The following DENND5A variants were observed in gnomAD, a reference collection of about 807,000 sequenced individuals.
The protein encoded by DENND5A is DENN domain containing 5A.
Under a neutral mutation model 140.3 loss-of-function variants are expected in DENND5A, and 64 were observed. That is an observed-to-expected ratio of 0.46 (90% CI 0.37 to 0.56). The LOEUF (loss-of-function observed/expected upper bound fraction) is 0.56, where lower values mean the gene tolerates loss of function less well. DENND5A is among the 20% of genes least tolerant of loss of function. The pLI, the probability that DENND5A is intolerant of heterozygous loss-of-function variation, is 0.00. For synonymous variants in DENND5A, 605 were observed against 607.7 expected (o/e 1.00, Z 0.07); for missense variants, 1,292 against 1,593.8 (o/e 0.81, Z 3.22).
intron 5 of DENND5A, among the ~76,000 whole-genome samples, chr11:9,189,279 G>A (rs556818782): frequency 3.4e-4 from 52 of 152,348 alleles, no homozygotes; most frequent in African/African-American, 1.1e-3. Flanking sequence ...GCAGAGGTAC[G>A]GAAATACCTG....
chr11:9,243,099 A>AAC (rs1851310465), intron 1 of DENND5A, among the ~76,000 whole-genome samples: 1 of 138,010 alleles, frequency 7.2e-6, no homozygotes, highest in Non-Finnish European at 1.5e-5. Context: ...AAAAAAAAAA[A>AAC]AAAAACAAAA....
intron 1 of DENND5A, among the ~76,000 whole-genome samples, chr11:9,262,849 C>T (rs544263713): frequency 1.4e-4 from 22 of 152,110 alleles, no homozygotes; most frequent in African/African-American, 5.3e-4. Flanking sequence ...TCACGCCATT[C>T]TCCTGCCTCA....
At chr11:9,251,138 C>CAAAAAAAAAAAAAA (rs887593530) in intron 1 of DENND5A, among the ~76,000 whole-genome samples, 1 of 90,018 alleles carries the variant, frequency 1.1e-5, no homozygotes, top group Admixed American at 1.2e-4. Flanking sequence ...CCATCTCAAA[C>CAAAAAAAAAAAAAA]AAAAAAAAAA....
rs7932270 is a variant in DENND5A, at chr11:9,215,850, G to A, written c.110-8218C>T. On this transcript the variant is annotated intron_variant, in intron 1 of 22. Transcript: ENST00000328194. ...CAAGCGTGAGCCACCGCGCCTGGCC[G>A]TTCTTTTATATAATTAATAAGTTAG... 3.2e-3 allele frequency among the ~76,000 whole-genome samples: 489 copies of A among 152,058 alleles called. 2 individuals are homozygous for A. The highest frequency in any genetic ancestry group is 0.011 in the African/African-American group (459 of 41,518).
intron 1 of DENND5A, among the ~76,000 whole-genome samples, chr11:9,240,711 A>G (rs61877910): frequency 2.8e-4 from 43 of 151,790 alleles, no homozygotes; most frequent in African/African-American, 8.9e-4. Flanking sequence ...CCCTGTCTCA[A>G]AACAAAAAAA....
chr11:9,238,879 T>G (rs1218294627), intron 1 of DENND5A, among the ~76,000 whole-genome samples: 1 of 151,180 alleles, frequency 6.6e-6, no homozygotes, highest in Non-Finnish European at 1.5e-5. Context: ...TTGCCCAGGA[T>G]GGAGTGCAGT....
chr11:9,195,964 G>A (rs1251328561), intron 4 of DENND5A, among the ~76,000 whole-genome samples: 1 of 151,350 alleles, frequency 6.6e-6, no homozygotes, highest in Non-Finnish European at 1.5e-5. Context: ...CACTTTTTTT[G>A]TTTTTTGAGA....
chr11:9,152,373 T>A lies in DENND5A; in HGVS notation c.2506A>T (p.Ser836Cys). 6.2e-7 allele frequency: 1 copy of A among 1,612,576 alleles called. No homozygotes were observed. Among genetic ancestry groups the A allele is most frequent in the Non-Finnish European group, 8.5e-7 (1 of 1,178,558 alleles). Residue 836 changes from serine (S) to cysteine (C), a missense_variant, in exon 13 of 23, where the codon AGC becomes TGC. By Grantham distance (112) the Ser-to-Cys change is moderately radical. This residue lies in a region of DENND5A where 498 missense variants were observed against 689.7 expected (regional missense o/e 0.72). Transcript: ENST00000328194. ...ACTATCTTACCTGAGGTACTGAGGCTTCCTGATGTGAGTTTTCTCTGCCGG... is the reference window on the plus strand; with the variant it reads ...ACTATCTTACCTGAGGTACTGAGGCATCCTGATGTGAGTTTTCTCTGCCGG... ...DNRQRKLTSG[S>C]LSTSGILLDS...
intron 1 of DENND5A, among the ~76,000 whole-genome samples, chr11:9,223,411 G>T (rs553329075): frequency 3.3e-5 from 5 of 152,136 alleles, no homozygotes; most frequent in Admixed American, 1.3e-4. Flanking sequence ...ATGATGGCAG[G>T]TACCTGTAAT....
intron 1 of DENND5A, among the ~76,000 whole-genome samples, chr11:9,215,550 C>CT (rs10655528): frequency 0.25 from 34,568 of 140,328 alleles, 4,800 homozygotes; most frequent in East Asian, 0.36. Flanking sequence ...ATCCTGTGTT[C>CT]TTTTTTTTTT....
chr11:9,145,583 C>T (rs903656281), intron 17 of DENND5A, 87 bp downstream of exon 17: 2 of 1,393,954 alleles, frequency 1.4e-6, no homozygotes, highest in South Asian at 1.2e-5. Context: ...ACATAGCAAG[C>T]CCTCTGAAAA....
rs372145669 is a variant in DENND5A at position 9,165,959 on chromosome 11, G to T, written c.2160C>A (p.Ile720=). 3 of 1,614,130 alleles carry T rather than the reference G, an allele frequency of 1.9e-6. No individual in the cohort carries two copies. Among genetic ancestry groups the T allele is most frequent in the Non-Finnish European group, 2.5e-6 (3 of 1,179,992 alleles). The change falls in exon 11 of 23, where the codon ATC becomes ATA. Residue 720 remains isoleucine, a synonymous_variant. Transcript: ENST00000328194. The part of the protein sequence containing the change: ...RLDNDQREKY[I]QEARTMGSTI... ...TGCTGCCCATAGTCCTGGCTTCCTG[G>T]ATGTACTTCTATATCAAACAGAAAA...
chr11:9,250,179 A>C (rs564103962), intron 1 of DENND5A, among the ~76,000 whole-genome samples: 2 of 152,134 alleles, frequency 1.3e-5, no homozygotes, highest in African/African-American at 4.8e-5. Flanking sequence ...GGCTACACTG[A>C]GGGATTTCTG....
rs112387601 is a variant in DENND5A, at chr11:9,218,962, C to T, written c.110-11330G>A. On this transcript the variant is annotated intron_variant, in intron 1 of 22. Transcript: ENST00000328194. Reference sequence around the variant, plus strand: ...TGGAGGTTGCAGTAAGCCAAGATCGCGCCACTGCACTCCAGCCTGGGCAAC... The same window carrying T: ...TGGAGGTTGCAGTAAGCCAAGATCGTGCCACTGCACTCCAGCCTGGGCAAC... 9.2e-3 allele frequency among the ~76,000 whole-genome samples: 1,401 copies of T among 151,636 alleles called. 20 individuals carry two copies. The highest frequency in any genetic ancestry group is 0.032 in the African/African-American group (1,339 of 41,352).
Position 9,170,825 on chromosome 11 carries a change from C to A in DENND5A, c.1907-48G>T, listed in dbSNP as rs766436240. On this transcript the variant is annotated intron_variant, in intron 8 of 22. Coordinates refer to ENST00000328194, the MANE Select transcript of DENND5A (RefSeq NM_015213.4). Reference sequence around the variant, plus strand: ...ACACACACACACACACACATAAATACACACACAAATAAATCAAGTCAAACA... The same window carrying A: ...ACACACACACACACACACATAAATAAACACACAAATAAATCAAGTCAAACA... The A allele has an allele frequency of 1.3e-5, 21 of 1,596,142 alleles. No individual in the cohort carries two copies. The South Asian group carries it at 2.3e-4, about 18-fold the overall frequency.
intron 1 of DENND5A, among the ~76,000 whole-genome samples, chr11:9,263,894 G>A (rs533608454): frequency 6.7e-6 from 1 of 148,694 alleles, no homozygotes; most frequent in South Asian, 2.2e-4. Flanking sequence ...TTTTTCTGGT[G>A]CCCAAAAACA....
intron 11 of DENND5A, among the ~76,000 whole-genome samples, chr11:9,164,072 T>G (rs1404173443): frequency 7.3e-5 from 10 of 136,984 alleles, no homozygotes; most frequent in Non-Finnish European, 9.4e-5. Flanking sequence ...TTTTTTTTTT[T>G]TTTTTTTTTT....
intron 11 of DENND5A, 61 bp downstream of exon 11, chr11:9,165,775 C>G (rs904020761): frequency 5.0e-5 from 79 of 1,592,702 alleles, no homozygotes; most frequent in Non-Finnish European, 6.4e-5. Flanking sequence ...CAGAGCCAAT[C>G]CTTGGTCTTA....
chr11:9,181,345 G>A (rs941373958), intron 5 of DENND5A, among the ~76,000 whole-genome samples: 1 of 152,160 alleles, frequency 6.6e-6, no homozygotes, highest in African/African-American at 2.4e-5. Flanking sequence ...GAGATAAAGA[G>A]ATAAACAATG....
Sources: gnomAD v4.1 joint callset for allele counts (sites outside exome capture counted in the v4.1 genomes callset) on GRCh38, gnomAD v4.1.1 for gene constraint, gnomAD v4.1.1 regional missense constraint, MANE v1.5 for transcripts, NCBI Gene and HGNC (gene_info 2026-07-23, HGNC 2026-07-21) for gene names.